Variants in ABCA8 observed in about 807,000 individuals in gnomAD.
ABCA8 encodes ABC-type organic anion transporter ABCA8.
In ABCA8, 177 loss-of-function variants were observed where a neutral mutation model predicts 192.3. That is an observed-to-expected ratio of 0.92 (90% CI 0.81 to 1.04). The LOEUF (loss-of-function observed/expected upper bound fraction) is 1.04. Among genes scored for constraint, ABCA8 ranks in the 50% least tolerant of loss-of-function variants. The pLI is 0.00. For missense variants in ABCA8, 1,915 were observed against 1,904.8 expected, an observed-to-expected ratio of 1.01 and a Z score of -0.10; for synonymous variants, 642 against 690.2, an observed-to-expected ratio of 0.93 and a Z score of 1.09.
intron 17 of ABCA8, among the ~76,000 whole-genome samples, chr17:68,908,868 C>T (rs2067162445): frequency 6.6e-6 from 1 of 152,138 alleles, no homozygotes; most frequent in South Asian, 2.1e-4. Context: ...TTCCCAGCCT[C>T]TAGGGTTATT....
chr17:68,920,776 G>A (rs1374453726), intron 13 of ABCA8, among the ~76,000 whole-genome samples: 1 of 152,046 alleles, frequency 6.6e-6, no homozygotes, highest in Non-Finnish European at 1.5e-5. Flanking sequence ...TTCAACCATT[G>A]TGGAAGTCAG....
rs1474075812 is a variant in ABCA8 at position 68,896,831 on chromosome 17, T to C, written c.2765-1818A>G. On this transcript the variant is annotated intron_variant, in intron 21 of 39. Coordinates refer to ENST00000586539, the MANE Select transcript of ABCA8 (RefSeq NM_001288985.2). ...ATTGTATGCTGAGGTTGTTAAGATCTACTCTGAGAGCAAATCTCTTCTGTA... is the reference window on the plus strand; with the variant it reads ...ATTGTATGCTGAGGTTGTTAAGATCCACTCTGAGAGCAAATCTCTTCTGTA... Among the ~76,000 whole-genome samples the C allele has an allele frequency of 2.6e-5, 4 of 152,236 alleles. No homozygotes were observed. In the South Asian group the frequency reaches 8.3e-4, roughly 31 times the overall value.
At chr17:68,944,781 A>G (rs905715218) in intron 2 of ABCA8, 37 of 152,160 alleles carry the variant, frequency 2.4e-4, no homozygotes, top group African/African-American at 8.9e-4. Flanking sequence ...TCCCATTCCC[A>G]AGCAAAGATA....
chr17:68,910,559 A>C (rs890299028), intron 17 of ABCA8, among the ~76,000 whole-genome samples: 3 of 152,176 alleles, frequency 2.0e-5, no homozygotes, highest in Admixed American at 1.3e-4. Flanking sequence ...CTGGGCTCAA[A>C]GCCAATGGAC....
chr17:68,924,616 G>A (rs1301216667), intron 11 of ABCA8, 85 bp downstream of exon 11: 2 of 1,452,008 alleles, frequency 1.4e-6, no homozygotes, highest in African/African-American at 1.4e-5. Context: ...TGTCTACAGA[G>A]CACAAAAGGG....
intron 17 of ABCA8, among the ~76,000 whole-genome samples, chr17:68,913,819 T>G (rs957731722): frequency 1.4e-4 from 21 of 152,086 alleles, no homozygotes; most frequent in African/African-American, 4.8e-4. Context: ...CTATTCAAAA[T>G]TATTCTGAAA....
intron 17 of ABCA8, among the ~76,000 whole-genome samples, chr17:68,908,894 T>C (rs1227111048): frequency 6.6e-6 from 1 of 152,220 alleles, no homozygotes; most frequent in Non-Finnish European, 1.5e-5. Context: ...AATGGAATAA[T>C]AGTGAAGTTT....
chr17:68,908,422 G>A (rs2067145839), intron 17 of ABCA8, among the ~76,000 whole-genome samples: 1 of 152,148 alleles, frequency 6.6e-6, no homozygotes, highest in Non-Finnish European at 1.5e-5. Flanking sequence ...TAGTGTTGAG[G>A]ATACAATGGT....
Position 68,929,244 on chromosome 17 carries a change from G to A in ABCA8, c.940-10C>T. 1 of 1,576,208 alleles carries A rather than the reference G, an allele frequency of 6.3e-7. No individual in the cohort carries two copies. The highest frequency in any genetic ancestry group is 8.6e-7 in the Non-Finnish European group (1 of 1,162,862). ...AGAAAGCCAAAGCTACCTAAAATGA[G>A]AGAAGATCTAGTTGGTTTATGTTTC... On this transcript the variant is annotated splice_polypyrimidine_tract_variant and intron_variant, in intron 8 of 39. Coordinates refer to ENST00000586539, the MANE Select transcript of ABCA8 (RefSeq NM_001288985.2).
chr17:68,877,030 G>A (rs1276586945), intron 33 of ABCA8, among the ~76,000 whole-genome samples: 4 of 151,718 alleles, frequency 2.6e-5, no homozygotes, highest in Admixed American at 2.0e-4. Flanking sequence ...TTGAGACAAG[G>A]TCTGACTCTA....
At position 68,904,165 on chromosome 17, in the gene ABCA8, G is replaced by A. The variant is rs534031460; in HGVS notation, c.2399-666C>T. ...GGCGTGGTGGTGGGCACCTGTAGTC[G>A]CAGCTACTCGGGAAGCTGAGGCAGG... On this transcript the variant is annotated intron_variant, in intron 19 of 39. Transcript: ENST00000586539. Among the ~76,000 whole-genome samples, 115 of 151,776 alleles carry A rather than the reference G, an allele frequency of 7.6e-4. 1 individual carries two copies. Among genetic ancestry groups the A allele is most frequent in the Admixed American group, 2.3e-3 (35 of 15,236 alleles).
intron 17 of ABCA8, among the ~76,000 whole-genome samples, chr17:68,914,158 A>G (rs181562117): frequency 1.2e-3 from 186 of 152,242 alleles, no homozygotes; most frequent in African/African-American, 4.4e-3. Context: ...GTCTCAACAA[A>G]ATAAAAGCCA....
Position 68,885,320 on chromosome 17 carries a change from A to C in ABCA8, c.3430-5T>G. The C allele has an allele frequency of 9.3e-6, 15 of 1,605,170 alleles. No individual in the cohort carries two copies. Among genetic ancestry groups the C allele is most frequent in the Non-Finnish European group, 1.3e-5 (15 of 1,176,860 alleles). ...AGCCACAGAGAATACAGTGACCTAA[A>C]AGAAGCAAATATGAAGGTTAATCAC... On this transcript the variant is annotated splice_region_variant and splice_polypyrimidine_tract_variant and intron_variant, in intron 26 of 39. Transcript: ENST00000586539.
chr17:68,881,504 A>T (rs1236532690), intron 31 of ABCA8, among the ~76,000 whole-genome samples: 1 of 152,260 alleles, frequency 6.6e-6, no homozygotes, highest in Middle Eastern at 3.2e-3. Context: ...ATAATGGCAC[A>T]AACTGAGGTC....
intron 14 of ABCA8, among the ~76,000 whole-genome samples, chr17:68,918,887 G>A (rs1351139060): frequency 1.4e-5 from 2 of 141,390 alleles, no homozygotes; most frequent in Non-Finnish European, 3.0e-5. Flanking sequence ...CCGGCATAGG[G>A]CCATTGCACT....
chr17:68,933,907 C>T (rs2067981360), intron 5 of ABCA8, among the ~76,000 whole-genome samples: 2 of 151,978 alleles, frequency 1.3e-5, no homozygotes, highest in African/African-American at 4.8e-5. Context: ...TTCAGATATA[C>T]GAATGATATA....
intron 21 of ABCA8, among the ~76,000 whole-genome samples, chr17:68,897,028 A>G (rs2143435625): frequency 6.6e-6 from 1 of 152,336 alleles, no homozygotes; most frequent in East Asian, 1.9e-4. Flanking sequence ...TTAGTTTGGT[A>G]CTATCTGTGG....
At chr17:68,883,010 G>A (rs980983255) in intron 29 of ABCA8, among the ~76,000 whole-genome samples, 4 of 152,134 alleles carry the variant, frequency 2.6e-5, no homozygotes, top group South Asian at 2.1e-4. Flanking sequence ...ACATCATTAT[G>A]TTTTCATGGG....
intron 1 of ABCA8, among the ~76,000 whole-genome samples, chr17:68,954,402 A>G (rs945013418): frequency 1.3e-5 from 2 of 151,986 alleles, no homozygotes; most frequent in South Asian, 2.1e-4. Context: ...TATATCTTCC[A>G]TCGTAAAGTA....
Sources: gnomAD v4.1 joint callset for allele counts (sites outside exome capture counted in the v4.1 genomes callset) on GRCh38, gnomAD v4.1.1 for gene constraint, MANE v1.5 for transcripts, NCBI Gene and HGNC (gene_info 2026-07-23, HGNC 2026-07-21) for gene names.